XKR3: variants seen among roughly 807,000 people sequenced by gnomAD.
XKR3 encodes the protein XK related 3.
XKR3 carries 27 observed loss-of-function variants against 40.3 expected under a neutral mutation model. The observed-to-expected ratio is 0.67, with a 90% CI of 0.49 to 0.92. XKR3 has a LOEUF of 0.92. Ranked by LOEUF, XKR3 falls within the 40% of genes least tolerant of loss-of-function variation. The pLI, the probability that XKR3 is intolerant of heterozygous loss-of-function variation, is 0.00. For missense variants in XKR3, 472 were observed against 537.6 expected, an observed-to-expected ratio of 0.88 and a Z score of 1.21; for synonymous variants, 193 against 195.4, an observed-to-expected ratio of 0.99 and a Z score of 0.10.
intron 3 of XKR3, among the ~76,000 whole-genome samples, chr22:16,798,478 AC>A (rs1227529067): frequency 6.6e-6 from 1 of 152,206 alleles, no homozygotes; most frequent in Non-Finnish European, 1.5e-5. Context: ...GTGGGTATGT[AC>A]CCAAAGGAAT....
intron 1 of XKR3, among the ~76,000 whole-genome samples, chr22:16,819,080 A>G (rs990140920): frequency 2.0e-5 from 3 of 152,198 alleles, no homozygotes; most frequent in African/African-American, 7.2e-5. Context: ...TATACATTAA[A>G]AAAAAACAGG....
At chr22:16,809,388 C>G (rs117364346) in intron 1 of XKR3, among the ~76,000 whole-genome samples, 2 of 152,034 alleles carry the variant, frequency 1.3e-5, no homozygotes, top group Non-Finnish European at 2.9e-5. Context: ...CCTTATCACA[C>G]GTGTATTAAA....
chr22:16,792,711 A>G (rs953579781), intron 3 of XKR3, among the ~76,000 whole-genome samples: 26 of 152,254 alleles, frequency 1.7e-4, no homozygotes, highest in African/African-American at 5.5e-4. Flanking sequence ...AAGAATTTCA[A>G]ATGACATCTG....
chr22:16,798,487 A>G (rs542290018), intron 3 of XKR3, among the ~76,000 whole-genome samples: 37 of 152,310 alleles, frequency 2.4e-4, no homozygotes, highest in Middle Eastern at 3.4e-3. Flanking sequence ...TACCCAAAGG[A>G]ATATAAATCA....
At position 16,817,567 on chromosome 22, in the gene XKR3, TC is replaced by T. The variant is rs1177373535; in HGVS notation, c.-11+7723del. On this transcript the variant is annotated intron_variant, in intron 1 of 3. Coordinates refer to ENST00000684488, the MANE Select transcript of XKR3 (RefSeq NM_001386955.1). ...CCAGCTAAATGTCTAAACAACACTT[TC>T]TTTAACAAATTATTTAGGCAGGAAG... Among the ~76,000 whole-genome samples the T allele has an allele frequency of 2.0e-5, 3 of 152,112 alleles. No individual in the cohort carries two copies. The South Asian group carries it at 6.2e-4, about 32-fold the overall frequency.
In XKR3 at chr22:16,783,694, C is replaced by T. The variant is rs1601837048; in HGVS notation, c.1305G>A (p.Lys435=). 7 of 1,613,428 alleles carry T rather than the reference C, an allele frequency of 4.3e-6. No individual in the cohort carries two copies. Among genetic ancestry groups the T allele is most frequent in the Middle Eastern group, 1.7e-4 (1 of 6,052 alleles). The change falls in exon 4 of 4, where the codon AAG becomes AAA. Residue 435 remains lysine (K), a synonymous_variant. Transcript: ENST00000684488. ...AGGAGTGACAGTAATTCCTCAGCTG[C>T]TTATTTTTATTCTTTTCAGTTTTCT... ...NIEKTEKNKN[K]QLRNYCHSCN... is the part of the protein sequence containing the mutation.
intron 3 of XKR3, among the ~76,000 whole-genome samples, chr22:16,785,560 G>A (rs374629459): frequency 6.6e-6 from 1 of 151,820 alleles, no homozygotes; most frequent in African/African-American, 2.4e-5. Flanking sequence ...TATACATGCA[G>A]GTTAAAAAAA....
chr22:16,811,403 C>T (rs2060212180), intron 1 of XKR3, among the ~76,000 whole-genome samples: 1 of 152,086 alleles, frequency 6.6e-6, no homozygotes, highest in Non-Finnish European at 1.5e-5. Context: ...TTTGGATTCA[C>T]CCTGAGTCCA....
Position 16,813,324 on chromosome 22 carries a change from CAAG to C in XKR3, c.-10-5244_-10-5242del, listed in dbSNP as rs139458483. 2.9e-3 allele frequency among the ~76,000 whole-genome samples: 434 copies of C among 151,718 alleles called. 4 individuals are homozygous for C. Among genetic ancestry groups the C allele is most frequent in the African/African-American group, 9.8e-3 (407 of 41,360 alleles). On this transcript the variant is annotated intron_variant, in intron 1 of 3. Transcript: ENST00000684488. ...CAAAAAACAAACAAACAAAAAAAAA[CAAG>C]AAGAAGATAAAGATAATGCCTCTTT...
chr22:16,812,399 G>A (rs1260841500), intron 1 of XKR3, among the ~76,000 whole-genome samples: 1 of 152,126 alleles, frequency 6.6e-6, no homozygotes, highest in African/African-American at 2.4e-5. Flanking sequence ...CACACTTGCT[G>A]GGCGCGGTGG....
At position 16,784,450 on chromosome 22, in the gene XKR3, A is replaced by G. The variant is rs748932020; in HGVS notation, c.590-41T>C. The G allele has an allele frequency of 3.3e-5, 50 of 1,511,124 alleles. 1 individual carries two copies. The East Asian group carries it at 1.1e-3, about 33-fold the overall frequency. The allele number at this position is 1,511,124 out of a possible 1,614,324, so 93.6% of individuals were successfully genotyped here. On this transcript the variant is annotated intron_variant, in intron 3 of 3. Coordinates refer to ENST00000684488, the MANE Select transcript of XKR3 (RefSeq NM_001386955.1). ...ATGAAAATGTTAGAGAATATTTTTC[A>G]TTAGTAATGACCACTTTCTTTTTTA...
intron 3 of XKR3, among the ~76,000 whole-genome samples, chr22:16,787,539 A>G (rs1334472889): frequency 6.7e-6 from 1 of 149,298 alleles, no homozygotes; most frequent in Non-Finnish European, 1.5e-5. Flanking sequence ...AGCCTAGGCA[A>G]CAAGAGCAAA....
intron 2 of XKR3, among the ~76,000 whole-genome samples, chr22:16,805,938 C>G (rs1392874382): frequency 6.6e-6 from 1 of 152,080 alleles, no homozygotes; most frequent in Non-Finnish European, 1.5e-5. Context: ...ATAAGAACCC[C>G]TAATTATTGC....
At chr22:16,789,035 T>G (rs2060103142) in intron 3 of XKR3, among the ~76,000 whole-genome samples, 1 of 152,166 alleles carries the variant, frequency 6.6e-6, no homozygotes, top group Admixed American at 6.5e-5. Flanking sequence ...AATAATGCTC[T>G]ACATGACAAA....
chr22:16,820,395 G>A (rs1044841597), intron 1 of XKR3, among the ~76,000 whole-genome samples: 1 of 152,106 alleles, frequency 6.6e-6, no homozygotes, highest in Non-Finnish European at 1.5e-5. Context: ...TGTTCCTCCT[G>A]TTTCTGCCAC....
At chr22:16,800,962 A>T (rs1447475120) in intron 2 of XKR3, among the ~76,000 whole-genome samples, 1 of 152,200 alleles carries the variant, frequency 6.6e-6, no homozygotes, top group Non-Finnish European at 1.5e-5. Flanking sequence ...GGGTAAATTA[A>T]ATAGTTGAAA....
intron 1 of XKR3, among the ~76,000 whole-genome samples, chr22:16,824,415 G>A (rs1267059858): frequency 6.6e-6 from 1 of 151,816 alleles, no homozygotes; most frequent in Non-Finnish European, 1.5e-5. Flanking sequence ...GAGTAAGTGA[G>A]TAAGAAAAGC....
rs551351887 is a variant in XKR3, at chr22:16,806,680, C to T, written c.335+1059G>A. On this transcript the variant is annotated intron_variant, in intron 2 of 3. Coordinates refer to ENST00000684488, the MANE Select transcript of XKR3 (RefSeq NM_001386955.1). ...ACTCTACTCCTGACCTCAAATGATCCGCCTGCATTGGCCTCCCAAAGAGCT... is the reference window on the plus strand; with the variant it reads ...ACTCTACTCCTGACCTCAAATGATCTGCCTGCATTGGCCTCCCAAAGAGCT... 9.9e-5 allele frequency among the ~76,000 whole-genome samples: 15 copies of T among 152,010 alleles called. No individual in the cohort carries two copies. The South Asian group carries it at 2.3e-3, about 23-fold the overall frequency.
At chr22:16,810,710 A>T (rs1324650674) in intron 1 of XKR3, among the ~76,000 whole-genome samples, 1 of 152,210 alleles carries the variant, frequency 6.6e-6, no homozygotes, top group African/African-American at 2.4e-5. Context: ...ACCCATTAGC[A>T]TTCAATCCCA....
Sources: gnomAD v4.1 joint callset for allele counts (sites outside exome capture counted in the v4.1 genomes callset) on GRCh38, gnomAD v4.1.1 for gene constraint, MANE v1.5 for transcripts, NCBI Gene and HGNC (gene_info 2026-07-23, HGNC 2026-07-21) for gene names.